LAMA1: variants seen among roughly 807,000 people sequenced by gnomAD.
The protein encoded by LAMA1 is laminin subunit alpha-1.
Under a neutral mutation model 348.7 loss-of-function variants are expected in LAMA1, and 219 were observed. That is an observed-to-expected ratio of 0.63 (90% CI 0.56 to 0.70). LAMA1 has a LOEUF of 0.70. LAMA1 is among the 30% of genes least tolerant of loss of function. LAMA1 has a pLI of 0.00. For missense variants in LAMA1, 3,744 were observed against 3,888.0 expected (o/e 0.96, Z 0.99); for synonymous variants, 1,487 against 1,491.0 (o/e 1.00, Z 0.06).
At chr18:7,038,349 C>T (rs549610811) in intron 11 of LAMA1, among the ~76,000 whole-genome samples, 2 of 152,186 alleles carry the variant, frequency 1.3e-5, no homozygotes, top group African/African-American at 4.8e-5. Flanking sequence ...CTCCCTGTTC[C>T]GGAAACAACT....
intron 47 of LAMA1, 150 bp from the exon 48 acceptor site, chr18:6,972,131 C>T (rs2057661261): frequency 2.5e-6 from 2 of 788,318 alleles, no homozygotes; most frequent in Non-Finnish European, 4.2e-6. Flanking sequence ...AGTTTGTAAT[C>T]ACTGGATTTC....
chr18:7,083,376 G>A (rs1240052672), intron 1 of LAMA1, among the ~76,000 whole-genome samples: 1 of 151,686 alleles, frequency 6.6e-6, no homozygotes, highest in Non-Finnish European at 1.5e-5. Context: ...AATAGAGACG[G>A]AGTTTCACCA....
chr18:7,092,435 C>T (rs943430711), intron 1 of LAMA1, among the ~76,000 whole-genome samples: 8 of 152,022 alleles, frequency 5.3e-5, no homozygotes, highest in Non-Finnish European at 1.2e-4. Flanking sequence ...ACCATCCTGG[C>T]TAACATGGTG....
At chr18:6,988,909 A>C (rs956548771) in intron 36 of LAMA1, among the ~76,000 whole-genome samples, 3 of 57,454 alleles carry the variant, frequency 5.2e-5, no homozygotes, top group Non-Finnish European at 7.3e-5. Flanking sequence ...TGTACAGTAA[A>C]GAGTCAACGT....
intron 11 of LAMA1, 113 bp from the exon 12 acceptor site, chr18:7,037,864 G>A: frequency 9.1e-7 from 1 of 1,104,584 alleles, no homozygotes; most frequent in Non-Finnish European, 1.3e-6. Context: ...GCTTCTCTAG[G>A]GATGGCATTA....
intron 1 of LAMA1, among the ~76,000 whole-genome samples, chr18:7,086,765 T>TA (rs1211020938): frequency 1.3e-5 from 2 of 152,208 alleles, no homozygotes; most frequent in Non-Finnish European, 2.9e-5. Flanking sequence ...ACCTAAAATC[T>TA]AGACTCAGCC....
chr18:7,097,990 C>G (rs2058269507), intron 1 of LAMA1, among the ~76,000 whole-genome samples: 1 of 149,536 alleles, frequency 6.7e-6, no homozygotes, highest in Non-Finnish European at 1.5e-5. Context: ...CTGCCTAGTG[C>G]CTGCGATTGC....
rs1401171574 is a variant in LAMA1, at chr18:7,002,501, CTT to C, written c.4261-118_4261-117del. The C allele has an allele frequency of 2.6e-6, 3 of 1,172,098 alleles. No individual in the cohort carries two copies. The African/African-American group carries it at 4.5e-5, about 18-fold the overall frequency. 72.6% of individuals were successfully genotyped at this position (1,172,098 alleles called of 1,614,324 possible). A position where few individuals can be genotyped will look rare whatever the true frequency, so the allele number is the denominator to read the frequency against. ...ATATCAGCTAGCTTTTAAAAATATTCTTCAGGAAAGGGGAGCATTTTCCTCCA... is the reference window on the plus strand; with the variant it reads ...ATATCAGCTAGCTTTTAAAAATATTCCAGGAAAGGGGAGCATTTTCCTCCA... On this transcript the variant is annotated intron_variant, in intron 29 of 62. Coordinates refer to ENST00000389658, the MANE Select transcript of LAMA1 (RefSeq NM_005559.4).
At chr18:6,945,032 G>T (rs190632463) in intron 61 of LAMA1, among the ~76,000 whole-genome samples, 223 of 152,126 alleles carry the variant, frequency 1.5e-3, no homozygotes, top group African/African-American at 5.1e-3. Flanking sequence ...ACTTCTGATT[G>T]CATTCCTAAT....
chr18:7,014,853 TC>T (rs68100276), intron 22 of LAMA1, among the ~76,000 whole-genome samples: 4,639 of 152,114 alleles, frequency 0.03, 132 homozygotes, highest in African/African-American at 0.078. Flanking sequence ...TCTTTTCTTT[TC>T]TTTTTTTTCT....
chr18:7,116,746 A>G (rs1177995929), intron 1 of LAMA1, among the ~76,000 whole-genome samples: 2 of 152,192 alleles, frequency 1.3e-5, no homozygotes, highest in African/African-American at 4.8e-5. Context: ...GTGGGTGACT[A>G]GGGTTGTCCC....
chr18:7,027,391 T>C (rs34862008), intron 16 of LAMA1, among the ~76,000 whole-genome samples: 2,820 of 152,144 alleles, frequency 0.019, 28 homozygotes, highest in Middle Eastern at 0.071. Context: ...ATGGGGAAAA[T>C]GGCAACAACA....
At chr18:6,953,658 A>G (rs1415654087) in intron 57 of LAMA1, 1 of 152,202 alleles carries the variant, frequency 6.6e-6, no homozygotes, top group Non-Finnish European at 1.5e-5. Flanking sequence ...CTATACCTCA[A>G]TCTCCTTATC....
intron 4 of LAMA1, 134 bp downstream of exon 4, chr18:7,050,560 T>C: frequency 8.1e-7 from 1 of 1,238,416 alleles, no homozygotes; most frequent in Non-Finnish European, 1.1e-6. Flanking sequence ...ATAATAGACA[T>C]GACTCAAGGC....
chr18:7,074,228 A>C (rs928880013), intron 3 of LAMA1, among the ~76,000 whole-genome samples: 1 of 152,154 alleles, frequency 6.6e-6, no homozygotes, highest in Admixed American at 6.5e-5. Flanking sequence ...ACCAACACTT[A>C]TTATTTTCCA....
At chr18:6,975,207 G>A (rs1163218823) in intron 45 of LAMA1, among the ~76,000 whole-genome samples, 171 bp from the exon 46 acceptor site, 1 of 152,142 alleles carries the variant, frequency 6.6e-6, no homozygotes, top group Non-Finnish European at 1.5e-5. Context: ...TCCCTTCCCT[G>A]GAGCTGGGGC....
chr18:7,036,866 CA>C (rs552019943), intron 12 of LAMA1, among the ~76,000 whole-genome samples: 1 of 151,650 alleles, frequency 6.6e-6, no homozygotes, highest in African/African-American at 2.4e-5. Context: ...AAAACAAAAC[CA>C]AAAACCCGGG....
intron 10 of LAMA1, 63 bp from the exon 11 acceptor site, chr18:7,039,013 G>C: frequency 1.5e-6 from 2 of 1,376,840 alleles, no homozygotes; most frequent in Non-Finnish European, 2.1e-6. Context: ...AGAATAAAAT[G>C]ACATTAACAA....
intron 1 of LAMA1, among the ~76,000 whole-genome samples, chr18:7,113,531 G>A (rs1025291279): frequency 6.6e-6 from 1 of 152,160 alleles, no homozygotes; most frequent in Non-Finnish European, 1.5e-5. Context: ...AAACATGAAG[G>A]AAAGTAAGTC....
Sources: allele counts gnomAD v4.1 joint callset (sites outside exome capture counted in the v4.1 genomes callset), GRCh38; gene constraint gnomAD v4.1.1; transcripts MANE v1.5; gene names NCBI Gene and HGNC (gene_info 2026-07-23, HGNC 2026-07-21).